The following CNBD1 variants were observed in gnomAD, a reference collection of about 807,000 sequenced individuals.
CNBD1 encodes cyclic nucleotide-binding domain-containing protein 1.
CNBD1 carries 71 observed loss-of-function variants against 54.4 expected under a neutral mutation model. The ratio of observed to expected loss-of-function variants is 1.30; its 90% CI spans 1.08 to 1.59. CNBD1 has a LOEUF of 1.59. Among genes scored for constraint, CNBD1 ranks in the 40% most tolerant of loss-of-function variants. The pLI, the probability that CNBD1 is intolerant of heterozygous loss-of-function variation, is 0.00. For missense variants in CNBD1, 659 were observed against 518.0 expected, an observed-to-expected ratio of 1.27 and a Z score of -2.64; for synonymous variants, 182 against 170.7, an observed-to-expected ratio of 1.07 and a Z score of -0.51.
intron 2 of CNBD1, among the ~76,000 whole-genome samples, chr8:87,422,607 G>A (rs1407915646): frequency 1.3e-5 from 2 of 152,058 alleles, no homozygotes; most frequent in East Asian, 3.9e-4. Context: ...TATTTCTGAG[G>A]GCTCTGTTTT....
rs533391724 is a variant in CNBD1 at position 87,067,878 on chromosome 8, T to A, written c.431+128124T>A. ...AGAAGACCAAAGACTATCCTTTGAT[T>A]TTCATGCTCCTCTACAATAGCTGAA... is the stretch of plus-strand genomic sequence containing the variant. On this transcript the variant is annotated intron_variant, in intron 4 of 10. Coordinates refer to ENST00000518476, the MANE Select transcript of CNBD1 (RefSeq NM_173538.3). Among the ~76,000 whole-genome samples the A allele has an allele frequency of 1.4e-3, 213 of 152,126 alleles. 3 individuals are homozygous for A. In the South Asian group the frequency reaches 0.024, roughly 17 times the overall value.
At chr8:86,952,347 T>C (rs1013242914) in intron 4 of CNBD1, among the ~76,000 whole-genome samples, 1 of 152,164 alleles carries the variant, frequency 6.6e-6, no homozygotes, top group African/African-American at 2.4e-5. Flanking sequence ...ACAGTGTGAA[T>C]TATCTGATAG....
At chr8:87,061,275 G>GGTCA (rs1810540381) in intron 4 of CNBD1, among the ~76,000 whole-genome samples, 1 of 152,128 alleles carries the variant, frequency 6.6e-6, no homozygotes, top group African/African-American at 2.4e-5. Flanking sequence ...AACTAAATAA[G>GGTCA]ATTAGTGTCC....
chr8:87,352,629 T>A (rs548283699), intron 9 of CNBD1, among the ~76,000 whole-genome samples: 1 of 152,284 alleles, frequency 6.6e-6, no homozygotes, highest in East Asian at 1.9e-4. Flanking sequence ...TGGATACTTG[T>A]AAGAATCTCA....
At chr8:87,120,047 T>C (rs929528890) in intron 4 of CNBD1, among the ~76,000 whole-genome samples, 5 of 152,066 alleles carry the variant, frequency 3.3e-5, no homozygotes, top group African/African-American at 9.7e-5. Flanking sequence ...TTTTTTGTTG[T>C]TGTGTTCTCA....
chr8:87,379,060 A>G (rs1232233053), intron 10 of CNBD1, among the ~76,000 whole-genome samples: 1 of 150,924 alleles, frequency 6.6e-6, no homozygotes, highest in Admixed American at 6.6e-5. Context: ...TGGGGCTGAG[A>G]CAATGGGGTT....
At chr8:87,079,052 T>TA (rs1397519307) in intron 4 of CNBD1, among the ~76,000 whole-genome samples, 1 of 152,032 alleles carries the variant, frequency 6.6e-6, no homozygotes, top group Non-Finnish European at 1.5e-5. Context: ...CTACCAATTT[T>TA]TTTTTTTGGT....
chr8:87,059,194 G>T (rs570490874), intron 4 of CNBD1, among the ~76,000 whole-genome samples: 1 of 152,214 alleles, frequency 6.6e-6, no homozygotes, highest in East Asian at 1.9e-4. Flanking sequence ...TAGCAGTTTG[G>T]GCAAAGTCAT....
intron 6 of CNBD1, among the ~76,000 whole-genome samples, chr8:87,255,400 G>T (rs1426810772): frequency 6.6e-6 from 1 of 152,116 alleles, no homozygotes; most frequent in Non-Finnish European, 1.5e-5. Flanking sequence ...ACCTGTGCAA[G>T]AAAGTAGAGC....
intron 4 of CNBD1, among the ~76,000 whole-genome samples, chr8:86,961,220 A>G (rs1053933473): frequency 2.0e-5 from 3 of 152,194 alleles, no homozygotes; most frequent in African/African-American, 2.4e-5. Context: ...TAGCACTACA[A>G]GCTTACCAGT....
intron 1 of CNBD1, 52 bp from the exon 2 acceptor site, chr8:86,887,490 G>C (rs1808698261): frequency 3.5e-6 from 4 of 1,155,172 alleles, no homozygotes; most frequent in Admixed American, 2.1e-5. Flanking sequence ...TTACACACTT[G>C]CTTAATAAGA....
intron 4 of CNBD1, among the ~76,000 whole-genome samples, chr8:87,101,974 C>G (rs1811436652): frequency 6.6e-6 from 1 of 151,262 alleles, no homozygotes; most frequent in African/African-American, 2.4e-5. Flanking sequence ...CTGCAACCTC[C>G]ACCTCCCGGG....
chr8:87,109,540 C>CTTTT (rs35541466), intron 4 of CNBD1, among the ~76,000 whole-genome samples: 3,188 of 107,916 alleles, frequency 0.03, 76 homozygotes, highest in Non-Finnish European at 0.051. Context: ...TTCTTTCTTT[C>CTTTT]TTTTTTTTTT....
intron 4 of CNBD1, among the ~76,000 whole-genome samples, chr8:87,029,178 C>T (rs10955168): frequency 0.03 from 4,567 of 152,268 alleles, 234 homozygotes; most frequent in African/African-American, 0.1. Context: ...TACTCCAATT[C>T]CTCAATCTCC....
chr8:87,070,966 G>GTTTAC (rs1810748638), intron 4 of CNBD1, among the ~76,000 whole-genome samples: 1 of 151,936 alleles, frequency 6.6e-6, no homozygotes, highest in African/African-American at 2.4e-5. Context: ...ATAGGATAAT[G>GTTTAC]TTTACTGTTC....
intron 8 of CNBD1, among the ~76,000 whole-genome samples, chr8:87,338,092 C>T (rs193298821): frequency 1.7e-3 from 254 of 152,232 alleles, no homozygotes; most frequent in South Asian, 3.5e-3. Context: ...TTAAAGTTTG[C>T]AATATACACT....
intron 5 of CNBD1, among the ~76,000 whole-genome samples, chr8:87,223,928 G>A (rs1236897815): frequency 3.3e-5 from 5 of 151,996 alleles, no homozygotes; most frequent in African/African-American, 7.3e-5. Flanking sequence ...TTTAATGATC[G>A]CCATTCTAAC....
At chr8:87,363,029 G>A (rs986236748) in intron 10 of CNBD1, among the ~76,000 whole-genome samples, 1 of 152,062 alleles carries the variant, frequency 6.6e-6, no homozygotes, top group African/African-American at 2.4e-5. Flanking sequence ...ACAGGCCCTG[G>A]TGTGTGATGT....
chr8:87,387,759 A>T (rs1254884643), downstream of CNBD1, among the ~76,000 whole-genome samples: 1 of 152,210 alleles, frequency 6.6e-6, no homozygotes. Context: ...AGAGGACCTA[A>T]TAGACATCTA....
Sources: gnomAD v4.1 joint callset for allele counts (sites outside exome capture counted in the v4.1 genomes callset) on GRCh38, gnomAD v4.1.1 for gene constraint, MANE v1.5 for transcripts, NCBI Gene and HGNC (gene_info 2026-07-23, HGNC 2026-07-21) for gene names.